The following STK39 variants were observed in gnomAD, a reference collection of about 807,000 sequenced individuals.
The protein encoded by STK39 is serine/threonine kinase 39.
A neutral mutation model predicts 77.8 loss-of-function variants in STK39; 20 were observed. The observed-to-expected ratio is 0.26, with a 90% CI of 0.18 to 0.37. The LOEUF is 0.37. Among genes scored for constraint, STK39 ranks in the 10% least tolerant of loss-of-function variants. STK39 has a pLI of 1.00. For missense variants in STK39, 479 were observed against 656.5 expected (o/e 0.73, Z 2.95); for synonymous variants, 246 against 234.1 (o/e 1.05, Z -0.47).
Position 168,065,352 on chromosome 2 carries a change from T to C in STK39, c.1272A>G (p.Glu424=), listed in dbSNP as rs771335621. 15 of 1,613,940 alleles carry C rather than the reference T, an allele frequency of 9.3e-6. No individual in the cohort carries two copies. The highest frequency in any genetic ancestry group is 1.3e-5 in the Non-Finnish European group (15 of 1,179,970). The change falls in exon 13 of 18, where the codon GAA becomes GAG. Residue 424 remains glutamate, a synonymous_variant. Transcript: ENST00000355999. The part of the protein sequence containing the change: ...EIAVSASTIP[E]QIQSLSVHDS... ...CGTGCACAGAGAGGGACTGTATTTG[T>C]TCGGGGATGGTGCTGGCACTCACTG...
intron 1 of STK39, among the ~76,000 whole-genome samples, chr2:168,212,330 G>T (rs916603185): frequency 6.6e-6 from 1 of 152,122 alleles, no homozygotes; most frequent in African/African-American, 2.4e-5. Context: ...TCACCTGCAG[G>T]GAAAGAGCAC....
At chr2:168,086,849 C>A (rs1686380358) in intron 10 of STK39, among the ~76,000 whole-genome samples, 1 of 152,164 alleles carries the variant, frequency 6.6e-6, no homozygotes, top group African/African-American at 2.4e-5. Flanking sequence ...GGAGGCAGCA[C>A]AAAGCACAGA....
intron 1 of STK39, among the ~76,000 whole-genome samples, chr2:168,237,041 T>TATAC (rs1690632185): frequency 6.6e-6 from 1 of 152,134 alleles, no homozygotes; most frequent in African/African-American, 2.4e-5. Flanking sequence ...TTGGGCAGTA[T>TATAC]GGCCATTTTC....
chr2:168,162,338 A>G (rs1688595107), intron 4 of STK39, among the ~76,000 whole-genome samples: 1 of 150,178 alleles, frequency 6.7e-6, no homozygotes, highest in Non-Finnish European at 1.5e-5. Context: ...CTGTCACTTT[A>G]TAGTTTACTC....
chr2:168,088,822 T>C (rs2105429400), intron 10 of STK39, among the ~76,000 whole-genome samples: 1 of 152,266 alleles, frequency 6.6e-6, no homozygotes, highest in East Asian at 1.9e-4. Flanking sequence ...TGTTGTACAC[T>C]TCAAGGAGGC....
chr2:168,219,399 A>AT (rs1690108355), intron 1 of STK39, among the ~76,000 whole-genome samples: 1 of 152,128 alleles, frequency 6.6e-6, no homozygotes, highest in Non-Finnish European at 1.5e-5. Flanking sequence ...GTCAGGCACT[A>AT]TGGGGACTTC....
chr2:168,163,618 T>G (rs1384606221), intron 4 of STK39, 121 bp downstream of exon 4: 2 of 1,587,240 alleles, frequency 1.3e-6, no homozygotes, highest in Non-Finnish European at 1.7e-6. Flanking sequence ...CATCTGAATT[T>G]AAACATCTCT....
intron 14 of STK39, among the ~76,000 whole-genome samples, chr2:168,026,844 C>G (rs1684710610): frequency 6.6e-6 from 1 of 151,990 alleles, no homozygotes; most frequent in Admixed American, 6.6e-5. Context: ...TATGTCAGGC[C>G]CAGTGGCTCA....
chr2:168,223,266 T>G (rs182134764), intron 1 of STK39, among the ~76,000 whole-genome samples: 82 of 152,122 alleles, frequency 5.4e-4, no homozygotes, highest in African/African-American at 1.8e-3. Flanking sequence ...TCTCAGCACT[T>G]TGGGAGGCTG....
At chr2:167,993,578 AAGGG>A (rs1053396856) in intron 16 of STK39, among the ~76,000 whole-genome samples, 5 of 152,304 alleles carry the variant, frequency 3.3e-5, no homozygotes, top group African/African-American at 1.2e-4. Context: ...GAGCCGGGCT[AAGGG>A]AAGGAAAGAC....
chr2:167,992,340 C>A (rs557784562), intron 16 of STK39, among the ~76,000 whole-genome samples: 75 of 151,618 alleles, frequency 4.9e-4, no homozygotes, highest in African/African-American at 1.5e-3. Flanking sequence ...ACAACAACAA[C>A]AAAAAAACCA....
intron 10 of STK39, among the ~76,000 whole-genome samples, chr2:168,080,352 T>A (rs917504129): frequency 2.6e-5 from 4 of 152,138 alleles, no homozygotes; most frequent in Non-Finnish European, 5.9e-5. Flanking sequence ...AATCCCAGCC[T>A]GGCACAGTGG....
At chr2:168,006,968 T>C (rs1684148377) in intron 16 of STK39, among the ~76,000 whole-genome samples, 1 of 152,254 alleles carries the variant, frequency 6.6e-6, no homozygotes, top group Non-Finnish European at 1.5e-5. Flanking sequence ...TGAAGACTTT[T>C]TGTAACCTGT....
chr2:168,137,948 T>C (rs1227855961), intron 8 of STK39, 140 bp downstream of exon 8: 2 of 1,191,522 alleles, frequency 1.7e-6, no homozygotes, highest in African/African-American at 3.1e-5. Context: ...ACTAACAGGT[T>C]GGAAATCTGG....
intron 5 of STK39, among the ~76,000 whole-genome samples, chr2:168,143,639 A>G (rs1688053376): frequency 6.6e-6 from 1 of 152,060 alleles, no homozygotes; most frequent in African/African-American, 2.4e-5. Flanking sequence ...GCTTGAACCC[A>G]GGAGGCGGAG....
At chr2:168,038,313 TC>T (rs2105348426) in intron 14 of STK39, among the ~76,000 whole-genome samples, 3 of 152,208 alleles carry the variant, frequency 2.0e-5, no homozygotes, top group African/African-American at 7.2e-5. Flanking sequence ...TTACAAATGT[TC>T]AGATCTTCTA....
chr2:168,122,645 C>G (rs1221934859), intron 10 of STK39, among the ~76,000 whole-genome samples: 1 of 152,018 alleles, frequency 6.6e-6, no homozygotes, highest in Non-Finnish European at 1.5e-5. Context: ...CCATGTTGCA[C>G]AGGCTGGTGT....
chr2:168,063,592 C>CTA, intron 13 of STK39, 22 bp from the exon 14 acceptor site: 1 of 1,598,410 alleles, frequency 6.3e-7, no homozygotes, highest in Non-Finnish European at 8.5e-7. Flanking sequence ...AAACAGCAAA[C>CTA]AGTGTTATAA....
Position 168,075,192 on chromosome 2 carries a change from T to C in STK39, c.1129A>G (p.Thr377Ala). The C allele has an allele frequency of 6.2e-7, 1 of 1,614,054 alleles. No homozygotes were observed. The highest frequency in any genetic ancestry group is 8.5e-7 in the Non-Finnish European group (1 of 1,180,016). ...CTCCACTCCCAGTCCCCGTCTTCGG[T>C]TTTATGAAGGTGACCACTTGACCCA... ...VPGSSGHLHK[T>A]EDGDWEWSDD... Residue 377 changes from threonine to alanine, a missense_variant, in exon 11 of 18, where the codon ACC (threonine) becomes GCC (alanine). Around this residue, in one of 3 missense-constraint regions of STK39, gnomAD observed 244 missense variants for 296.8 expected, o/e 0.82. Coordinates refer to ENST00000355999, the MANE Select transcript of STK39 (RefSeq NM_013233.3).
Sources: gnomAD v4.1 joint callset for allele counts (sites outside exome capture counted in the v4.1 genomes callset) on GRCh38, gnomAD v4.1.1 for gene constraint, gnomAD v4.1.1 regional missense constraint, MANE v1.5 for transcripts, NCBI Gene and HGNC (gene_info 2026-07-23, HGNC 2026-07-21) for gene names.